ERC1: variants seen among roughly 807,000 people sequenced by gnomAD.
The protein encoded by ERC1 is ELKS/RAB6-interacting/CAST family member 1.
ERC1 carries 56 observed loss-of-function variants against 132.0 expected under a neutral mutation model. The observed-to-expected ratio is 0.42, with a 90% CI of 0.34 to 0.53. The LOEUF is 0.53. Among genes scored for constraint, ERC1 ranks in the 20% least tolerant of loss-of-function variants. The probability of loss-of-function intolerance (pLI) is 0.03; values close to 1 mark genes in which losing one functional copy is unlikely to be tolerated. For missense variants in ERC1, 1,202 were observed against 1,349.9 expected, an observed-to-expected ratio of 0.89 and a Z score of 1.72; for synonymous variants, 478 against 476.1, an observed-to-expected ratio of 1.00 and a Z score of -0.05.
rs575174862 is a variant in ERC1, at chr12:1,485,131, T to C, written c.3214-4962T>C. On this transcript the variant is annotated intron_variant, in intron 18 of 18. Transcript: ENST00000360905. ...CTTGAACTCCTAGGCTCAAGTGATC[T>C]GCCTGCCTCAGCCTCCCAAAGTGCT... Among the ~76,000 whole-genome samples, 834 of 149,098 alleles carry C rather than the reference T, an allele frequency of 5.6e-3. 1 individual carries two copies. The highest frequency in any genetic ancestry group is 9.7e-3 in the Non-Finnish European group (654 of 67,194).
At chr12:1,441,455 T>C (rs1360110751) in intron 17 of ERC1, among the ~76,000 whole-genome samples, 1 of 152,270 alleles carries the variant, frequency 6.6e-6, no homozygotes, top group African/African-American at 2.4e-5. Context: ...TTTTAAATTC[T>C]GTTTTACTAT....
intron 7 of ERC1, among the ~76,000 whole-genome samples, chr12:1,132,741 A>G (rs371856344): frequency 7.9e-5 from 12 of 152,110 alleles, no homozygotes; most frequent in African/African-American, 2.9e-4. Flanking sequence ...AATGCTTAGA[A>G]GAACTGAGAG....
intron 2 of ERC1, among the ~76,000 whole-genome samples, chr12:1,074,000 G>C (rs923439261): frequency 1.3e-5 from 2 of 151,258 alleles, no homozygotes; most frequent in South Asian, 2.1e-4. Context: ...GAGTAGCTGG[G>C]ATTACAGGCA....
intron 15 of ERC1, among the ~76,000 whole-genome samples, chr12:1,295,308 G>A (rs1484372231): frequency 1.3e-5 from 2 of 152,140 alleles, no homozygotes; most frequent in Non-Finnish European, 2.9e-5. Flanking sequence ...ATGACCTCCT[G>A]AGGTCCCCTG....
Position 1,440,600 on chromosome 12 carries a change from T to TTGTGTGTGTG in ERC1, c.3025-3903_3025-3894dup, listed in dbSNP as rs56749397. On this transcript the variant is annotated intron_variant, in intron 17 of 18. Coordinates refer to ENST00000360905, the MANE Select transcript of ERC1 (RefSeq NM_178040.4). ...TAAGCAATCCCCCTGCCTCAGCCTT[T>TTGTGTGTGTG]TGTGTGTGTGTGTGTGTGTGTGTGT... Among the ~76,000 whole-genome samples the TTGTGTGTGTG allele has an allele frequency of 1.7e-3, 85 of 51,152 alleles. 2 individuals carry two copies. Among genetic ancestry groups the TTGTGTGTGTG allele is most frequent in the Admixed American group, 5.8e-3 (24 of 4,120 alleles). The allele number at this position is 51,152 out of a possible 152,430, so 33.6% of individuals were successfully genotyped here.
intron 8 of ERC1, among the ~76,000 whole-genome samples, chr12:1,157,812 T>G (rs1224654278): frequency 6.6e-6 from 1 of 152,192 alleles, no homozygotes; most frequent in Non-Finnish European, 1.5e-5. Flanking sequence ...AATTGACCAT[T>G]GGCTTTAATA....
chr12:1,328,608 T>C (rs2082631814), intron 15 of ERC1, among the ~76,000 whole-genome samples: 1 of 151,862 alleles, frequency 6.6e-6, no homozygotes, highest in African/African-American at 2.4e-5. Context: ...ACCTCACGTT[T>C]CTCCTTTCTC....
At chr12:1,006,044 G>C (rs1172701230) in intron 1 of ERC1, among the ~76,000 whole-genome samples, 1 of 150,378 alleles carries the variant, frequency 6.6e-6, no homozygotes, top group Non-Finnish European at 1.5e-5. Context: ...TGCAACCTCT[G>C]CTTCCCGGGT....
chr12:1,187,786 G>A (rs1955270577), intron 11 of ERC1, among the ~76,000 whole-genome samples: 1 of 152,274 alleles, frequency 6.6e-6, no homozygotes, highest in Non-Finnish European at 1.5e-5. Flanking sequence ...GTGCACTGAG[G>A]ATATATAGTG....
chr12:1,135,837 T>C (rs1298194761), intron 7 of ERC1, among the ~76,000 whole-genome samples: 10 of 152,144 alleles, frequency 6.6e-5, no homozygotes, highest in Non-Finnish European at 2.9e-5. Context: ...GGAAAATAAA[T>C]CTATTGTTTA....
intron 13 of ERC1, among the ~76,000 whole-genome samples, chr12:1,237,653 G>A (rs1225569141): frequency 2.6e-5 from 4 of 152,196 alleles, no homozygotes; most frequent in Non-Finnish European, 4.4e-5. Flanking sequence ...TGTTACTTAC[G>A]TAAATGCACA....
chr12:1,272,076 G>A (rs2154331599), intron 14 of ERC1, among the ~76,000 whole-genome samples: 1 of 152,316 alleles, frequency 6.6e-6, no homozygotes. Flanking sequence ...AGAAACCTTG[G>A]TTGGAATTAG....
At chr12:1,288,804 C>A (rs1306030111) in intron 14 of ERC1, among the ~76,000 whole-genome samples, 1 of 152,128 alleles carries the variant, frequency 6.6e-6, no homozygotes, top group Non-Finnish European at 1.5e-5. Context: ...AACATAAAGT[C>A]TTGTAATTGA....
At chr12:1,354,972 T>C (rs1345810822) in intron 15 of ERC1, among the ~76,000 whole-genome samples, 1 of 152,178 alleles carries the variant, frequency 6.6e-6, no homozygotes, top group Non-Finnish European at 1.5e-5. Context: ...CTGTTTTCTC[T>C]TGTACTAGTA....
chr12:1,081,219 C>T (rs1282107828), intron 2 of ERC1, among the ~76,000 whole-genome samples: 3 of 152,108 alleles, frequency 2.0e-5, no homozygotes, highest in Non-Finnish European at 2.9e-5. Flanking sequence ...GTATAATGTG[C>T]TGGAATTTAC....
intron 1 of ERC1, among the ~76,000 whole-genome samples, chr12:1,023,826 T>C (rs1235898889): frequency 2.0e-5 from 3 of 152,146 alleles, no homozygotes; most frequent in Non-Finnish European, 4.4e-5. Context: ...AGATGTATTA[T>C]AGACAGAAGT....
At chr12:1,322,526 A>C (rs947233762) in intron 15 of ERC1, among the ~76,000 whole-genome samples, 1 of 152,212 alleles carries the variant, frequency 6.6e-6, no homozygotes, top group African/African-American at 2.4e-5. Flanking sequence ...AATCCTGATA[A>C]AATCTAGCAC....
chr12:1,395,882 G>A (rs1371282370), intron 16 of ERC1, among the ~76,000 whole-genome samples: 1 of 151,796 alleles, frequency 6.6e-6, no homozygotes, highest in Non-Finnish European at 1.5e-5. Flanking sequence ...TTCCATAAAT[G>A]GTGATGTGCC....
chr12:1,434,500 C>T (rs542159691), intron 17 of ERC1, among the ~76,000 whole-genome samples: 30 of 152,326 alleles, frequency 2.0e-4, no homozygotes, highest in African/African-American at 6.3e-4. Context: ...CGCTTGCTGG[C>T]GCTCTGCTGT....
Sources: gnomAD v4.1 joint callset for allele counts (sites outside exome capture counted in the v4.1 genomes callset) on GRCh38, gnomAD v4.1.1 for gene constraint, MANE v1.5 for transcripts, NCBI Gene and HGNC (gene_info 2026-07-23, HGNC 2026-07-21) for gene names.